The following PRTFDC1 variants were observed in gnomAD, a reference collection of about 807,000 sequenced individuals.
PRTFDC1 encodes the protein phosphoribosyl transferase domain containing 1.
Under a neutral mutation model 34.6 loss-of-function variants are expected in PRTFDC1, and 38 were observed. The ratio of observed to expected loss-of-function variants is 1.10; its 90% CI spans 0.85 to 1.44. PRTFDC1 has a LOEUF of 1.44. Among genes scored for constraint, PRTFDC1 ranks in the 40% most tolerant of loss-of-function variants. The pLI, the probability that PRTFDC1 is intolerant of heterozygous loss-of-function variation, is 0.00. For missense variants in PRTFDC1, 270 were observed against 283.0 expected (o/e 0.95, Z 0.33); for synonymous variants, 93 against 98.1 (o/e 0.95, Z 0.31).
intron 4 of PRTFDC1, chr10:24,867,736 G>C (rs1306597103): frequency 6.6e-6 from 1 of 151,552 alleles, no homozygotes; most frequent in Admixed American, 6.6e-5. Context: ...GAAGGATTAG[G>C]GCTAATTATT....
chr10:24,935,408 T>C (rs1027417907), intron 3 of PRTFDC1, among the ~76,000 whole-genome samples: 60 of 152,254 alleles, frequency 3.9e-4, no homozygotes, highest in African/African-American at 1.4e-3. Context: ...AGAGCTAAGA[T>C]GTCTTCAAAA....
intron 5 of PRTFDC1, among the ~76,000 whole-genome samples, chr10:24,857,838 C>T (rs1847609332): frequency 6.6e-6 from 1 of 152,040 alleles, no homozygotes; most frequent in South Asian, 2.1e-4. Context: ...CCACTACTGC[C>T]ATAGGGATCC....
chr10:24,949,884 A>G (rs1439574344), intron 1 of PRTFDC1, among the ~76,000 whole-genome samples: 4 of 151,962 alleles, frequency 2.6e-5, no homozygotes, highest in South Asian at 2.1e-4. Flanking sequence ...ACAGGCATGC[A>G]CTACCATGCC....
At chr10:24,906,007 T>C (rs1848529029) in intron 3 of PRTFDC1, among the ~76,000 whole-genome samples, 1 of 152,134 alleles carries the variant, frequency 6.6e-6, no homozygotes, top group African/African-American at 2.4e-5. Flanking sequence ...GCAAAGTTTG[T>C]CTTTCTGTGC....
chr10:24,871,068 C>CAA (rs1847860323), intron 4 of PRTFDC1, among the ~76,000 whole-genome samples: 1 of 41,198 alleles, frequency 2.4e-5, no homozygotes. Context: ...AAGACTCTGT[C>CAA]TAAAAAAAAA....
rs187967306 is a variant in PRTFDC1 at position 24,863,172 on chromosome 10, C to T, written c.406-4763G>A. On this transcript the variant is annotated intron_variant, in intron 4 of 8. Transcript: ENST00000320152. ...GGATTAGAGGTGTGAGTCACTGTGA[C>T]GCCCCCTAGACTGACTCCTTTTAGG... Among the ~76,000 whole-genome samples the T allele has an allele frequency of 3.3e-5, 5 of 152,088 alleles. No homozygotes were observed. In the South Asian group the frequency reaches 6.2e-4, roughly 19 times the overall value.
intron 2 of PRTFDC1, 53 bp downstream of exon 2, chr10:24,942,277 A>G (rs1849172612): frequency 7.0e-7 from 1 of 1,420,112 alleles, no homozygotes; most frequent in African/African-American, 1.4e-5. Context: ...GATTCACACA[A>G]GTGTGGGCCG....
chr10:24,874,509 C>A (rs1490865919), intron 3 of PRTFDC1, among the ~76,000 whole-genome samples: 1 of 152,126 alleles, frequency 6.6e-6, no homozygotes, highest in African/African-American at 2.4e-5. Context: ...GAATTGAATA[C>A]AACTACTAAA....
intron 3 of PRTFDC1, among the ~76,000 whole-genome samples, chr10:24,926,581 T>C (rs1488037001): frequency 1.3e-5 from 2 of 152,204 alleles, no homozygotes; most frequent in African/African-American, 4.8e-5. Context: ...ACTCCGGAGC[T>C]GAAGTGATCT....
chr10:24,941,149 A>G (rs1028748004), intron 2 of PRTFDC1, among the ~76,000 whole-genome samples: 1 of 151,918 alleles, frequency 6.6e-6, no homozygotes, highest in East Asian at 1.9e-4. Flanking sequence ...GACCTCCCAG[A>G]CTCAAGTGAT....
chr10:24,858,451 C>T (rs757291248), intron 4 of PRTFDC1, 42 bp from the exon 5 acceptor site: 29 of 1,599,676 alleles, frequency 1.8e-5, no homozygotes, highest in Non-Finnish European at 2.4e-5. Flanking sequence ...TGATGCCAAT[C>T]TGACTCACAG....
chr10:24,935,519 T>A (rs1179670027), intron 3 of PRTFDC1, among the ~76,000 whole-genome samples: 1 of 152,066 alleles, frequency 6.6e-6, no homozygotes, highest in Non-Finnish European at 1.5e-5. Context: ...CAACTGAGAG[T>A]CACATGAGGA....
At chr10:24,912,574 T>C (rs1848642360) in intron 3 of PRTFDC1, among the ~76,000 whole-genome samples, 7 of 152,154 alleles carry the variant, frequency 4.6e-5, no homozygotes, top group Admixed American at 4.6e-4. Flanking sequence ...TTTGCCTGTT[T>C]TGAAAATATT....
chr10:24,931,572 T>A (rs7903956), intron 3 of PRTFDC1, among the ~76,000 whole-genome samples: 39,387 of 151,588 alleles, frequency 0.26, 5,850 homozygotes, highest in Non-Finnish European at 0.35. Flanking sequence ...AGATTAAAGA[T>A]AATAAGGGAA....
At chr10:24,881,307 T>A (rs1242595927) in intron 3 of PRTFDC1, among the ~76,000 whole-genome samples, 2 of 152,108 alleles carry the variant, frequency 1.3e-5, no homozygotes, top group Non-Finnish European at 2.9e-5. Context: ...TGGCCTCAAG[T>A]GATCCTCCTG....
intron 4 of PRTFDC1, chr10:24,868,237 C>G (rs758279091): frequency 3.3e-5 from 5 of 152,414 alleles, no homozygotes; most frequent in Middle Eastern, 6.8e-3. Context: ...GTGTTAGTCA[C>G]AAACCCTTCT....
At chr10:24,917,140 G>A (rs550988391) in intron 3 of PRTFDC1, among the ~76,000 whole-genome samples, 10 of 152,276 alleles carry the variant, frequency 6.6e-5, no homozygotes, top group East Asian at 1.9e-4. Flanking sequence ...ATAACATTTT[G>A]CTAAAGAGAG....
At chr10:24,928,869 C>G (rs867481784) in intron 3 of PRTFDC1, among the ~76,000 whole-genome samples, 2 of 151,600 alleles carry the variant, frequency 1.3e-5, no homozygotes, top group Middle Eastern at 3.4e-3. Context: ...AACCCTGTCT[C>G]TACTAAAAAA....
In PRTFDC1 at chr10:24,918,048, G is replaced by C. The variant is rs114718617; in HGVS notation, c.339+19136C>G. On this transcript the variant is annotated intron_variant, in intron 3 of 8. Transcript: ENST00000320152. The stretch of plus-strand genomic sequence containing the variant: ...GTGGTAGAAGGGGATGAGGCTGGGT[G>C]GGAGGGGAGGAGAGCTGTCACCTGA... Among the ~76,000 whole-genome samples, 1,398 of 152,252 alleles carry C rather than the reference G, an allele frequency of 9.2e-3. 17 individuals are homozygous for C. Among genetic ancestry groups the C allele is most frequent in the African/African-American group, 0.029 (1,193 of 41,552 alleles).
Sources: gnomAD v4.1 joint callset for allele counts (sites outside exome capture counted in the v4.1 genomes callset) on GRCh38, gnomAD v4.1.1 for gene constraint, MANE v1.5 for transcripts, NCBI Gene and HGNC (gene_info 2026-07-23, HGNC 2026-07-21) for gene names.